BTBD7: variants seen among roughly 807,000 people sequenced by gnomAD.
BTBD7 encodes BTB/POZ domain-containing protein 7.
Under a neutral mutation model 99.9 loss-of-function variants are expected in BTBD7, and 38 were observed. The ratio of observed to expected loss-of-function variants is 0.38; its 90% CI spans 0.29 to 0.50. The LOEUF (loss-of-function observed/expected upper bound fraction) is 0.50, where lower values mean the gene tolerates loss of function less well. Ranked by LOEUF, BTBD7 falls within the 20% of genes least tolerant of loss-of-function variation. BTBD7 has a pLI of 0.93. For synonymous variants in BTBD7, 520 were observed against 511.4 expected (o/e 1.02, Z -0.23); for missense variants, 1,170 against 1,394.6 (o/e 0.84, Z 2.57).
chr14:93,271,228 T>C (rs1157249412), intron 3 of BTBD7, among the ~76,000 whole-genome samples: 1 of 152,202 alleles, frequency 6.6e-6, no homozygotes, highest in Non-Finnish European at 1.5e-5. Context: ...GGATCTTTGT[T>C]TCCCCCTTAC....
At chr14:93,331,883 C>A (rs573630071) in intron 1 of BTBD7, among the ~76,000 whole-genome samples, 12 of 146,562 alleles carry the variant, frequency 8.2e-5, no homozygotes, top group Non-Finnish European at 1.5e-4. Context: ...TCCGTCTCCC[C>A]CCCCCCAAAA....
chr14:93,251,635 C>T lies in BTBD7; in HGVS notation c.1770G>A (p.Met590Ile), dbSNP rs2052369144. 6.2e-7 allele frequency: 1 copy of T among 1,612,684 alleles called. No individual in the cohort carries two copies. Among genetic ancestry groups the T allele is most frequent in the South Asian group, 1.1e-5 (1 of 90,878 alleles). The change falls in exon 8 of 11, where the codon ATG (methionine) becomes ATA (isoleucine). Residue 590 changes from methionine to isoleucine, a missense_variant. This residue lies in a region of BTBD7 where 309 missense variants were observed against 342.0 expected (regional missense o/e 0.90). Transcript: ENST00000334746. ...VEEAKSVLDE[M>I]MVEQTDLVRL... is the part of the protein sequence containing the mutation. ...GCACAAGATCCGTTTGTTCCACCAT[C>T]ATCTCATCTAGCACTGACTGAAATA...
intron 7 of BTBD7, among the ~76,000 whole-genome samples, chr14:93,252,170 T>C (rs2052375630): frequency 6.6e-6 from 1 of 151,996 alleles, no homozygotes; most frequent in Middle Eastern, 3.4e-3. Context: ...ATTAGCCAGA[T>C]GTGGTGGCGG....
chr14:93,281,900 A>C (rs926111266), intron 3 of BTBD7, among the ~76,000 whole-genome samples: 1 of 152,182 alleles, frequency 6.6e-6, no homozygotes, highest in African/African-American at 2.4e-5. Context: ...TTTACCAGAG[A>C]GTTATTATAG....
intron 1 of BTBD7, among the ~76,000 whole-genome samples, chr14:93,319,435 T>C (rs935804051): frequency 1.6e-4 from 25 of 152,224 alleles, no homozygotes; most frequent in African/African-American, 9.6e-5. Context: ...GAATACTATT[T>C]GGCCTCAGAG....
At chr14:93,304,892 G>A (rs1411741337) in intron 1 of BTBD7, among the ~76,000 whole-genome samples, 1 of 152,214 alleles carries the variant, frequency 6.6e-6, no homozygotes, top group African/African-American at 2.4e-5. Context: ...CATGCTGGGT[G>A]AACCCTAGAG....
At chr14:93,259,395 G>A (rs543912967) in intron 5 of BTBD7, among the ~76,000 whole-genome samples, 9 of 152,220 alleles carry the variant, frequency 5.9e-5, no homozygotes, top group South Asian at 2.1e-4. Flanking sequence ...GTGAGATCAC[G>A]AAAACATAAA....
chr14:93,269,730 T>C (rs570344284), intron 3 of BTBD7, among the ~76,000 whole-genome samples: 4 of 152,360 alleles, frequency 2.6e-5, no homozygotes, highest in South Asian at 4.1e-4. Flanking sequence ...TTGTTGTTAA[T>C]TTCTGTACCT....
At chr14:93,295,681 A>G (rs888677059) in intron 2 of BTBD7, among the ~76,000 whole-genome samples, 6 of 152,256 alleles carry the variant, frequency 3.9e-5, no homozygotes, top group African/African-American at 1.4e-4. Context: ...AATGGGACAC[A>G]GGAAATATGT....
rs1305652200 is a variant in BTBD7, at chr14:93,311,123, G to A, written c.-106-14966C>T. Among the ~76,000 whole-genome samples, 3 of 152,112 alleles carry A rather than the reference G, an allele frequency of 2.0e-5. No individual in the cohort carries two copies. In the East Asian group the frequency reaches 5.8e-4, roughly 29 times the overall value. ...CCTAGCATCCTTAAAGACAATCAGT[G>A]AGTTTTAAAAAGTTATGAATTAATA... On this transcript the variant is annotated intron_variant, in intron 1 of 10. Coordinates refer to ENST00000334746, the MANE Select transcript of BTBD7 (RefSeq NM_001002860.4).
In BTBD7 at chr14:93,294,684, C is replaced by T; in HGVS notation, c.336G>A (p.Lys112=). 2 of 1,614,166 alleles carry T rather than the reference C, an allele frequency of 1.2e-6. No individual in the cohort carries two copies. The highest frequency in any genetic ancestry group is 1.7e-6 in the Non-Finnish European group (2 of 1,180,038). Residue 112 remains lysine (K), a synonymous_variant, in exon 3 of 11, where the codon AAG becomes AAA. Coordinates refer to ENST00000334746, the MANE Select transcript of BTBD7 (RefSeq NM_001002860.4). ...CCAAACTGGCTTGTAGAGAAAGCTC[C>T]TTTAATGCTGATGTTCCCTCATATT... ...VEEYEGTSAL[K]ELSLQASLAR... is the part of the protein sequence containing the mutation.
chr14:93,268,694 C>T (rs2139715736), intron 3 of BTBD7, among the ~76,000 whole-genome samples: 1 of 150,262 alleles, frequency 6.7e-6, no homozygotes, highest in East Asian at 2.0e-4. Context: ...CCTACCTAAA[C>T]ATATCCTTCC....
In BTBD7 at chr14:93,294,384, T is replaced by C. The variant is rs1320996912; in HGVS notation, c.636A>G (p.Ser212=). ...CAAGGATATCGACATTTTGAAACCT[T>C]GAGTCCTCCATTCCAAACTCTCCTG... ...LYTGEFGMED[S]RFQNVDILVQ... The change falls in exon 3 of 11, where the codon TCA becomes TCG. Residue 212 remains serine (S), a synonymous_variant. Coordinates refer to ENST00000334746, the MANE Select transcript of BTBD7 (RefSeq NM_001002860.4). 1.2e-6 allele frequency: 2 copies of C among 1,614,204 alleles called. No homozygotes were observed. Among genetic ancestry groups the C allele is most frequent in the South Asian group, 2.2e-5 (2 of 91,084 alleles).
rs1345465341 is a variant in BTBD7, at chr14:93,251,537, C to T, written c.1868G>A (p.Cys623Tyr). ...YMVNNAVPQC[C>Y]HMISHQQISS... is the part of the protein sequence containing the mutation. ...GATCTGCTGGTGGCTGATCATGTGA[C>T]AACACTGTGGCACGGCATTATTGAC... Residue 623 changes from cysteine to tyrosine, a missense_variant, in exon 8 of 11, where the codon TGT becomes TAT. Cys to Tyr is a radical substitution (Grantham distance 194). Coordinates refer to ENST00000334746, the MANE Select transcript of BTBD7 (RefSeq NM_001002860.4). The T allele has an allele frequency of 2.5e-6, 4 of 1,613,926 alleles. No homozygotes were observed. The highest frequency in any genetic ancestry group is 3.4e-6 in the Non-Finnish European group (4 of 1,179,852).
chr14:93,324,375 T>C (rs1354509412), intron 1 of BTBD7, among the ~76,000 whole-genome samples: 2 of 150,558 alleles, frequency 1.3e-5, no homozygotes, highest in Non-Finnish European at 2.9e-5. Flanking sequence ...TGAGCTGTGA[T>C]TGTATCACTG....
chr14:93,276,199 A>G (rs531258748), intron 3 of BTBD7, among the ~76,000 whole-genome samples: 1 of 152,358 alleles, frequency 6.6e-6, no homozygotes, highest in South Asian at 2.1e-4. Context: ...AGCCTGGGCA[A>G]CAGAGCGAGA....
At chr14:93,255,697 T>G (rs2052421940) in intron 6 of BTBD7, 1 of 152,198 alleles carries the variant, frequency 6.6e-6, no homozygotes, top group Non-Finnish European at 1.5e-5. Flanking sequence ...GGTTTTGCCA[T>G]GTCGGCCAGG....
intron 6 of BTBD7, chr14:93,256,007 T>A (rs1251098697): frequency 6.6e-6 from 1 of 152,252 alleles, no homozygotes; most frequent in Non-Finnish European, 1.5e-5. Context: ...TTTTTATTAC[T>A]GCTCCTTGTG....
chr14:93,288,228 GA>G (rs2052804161), intron 3 of BTBD7: 1 of 405,302 alleles, frequency 2.5e-6, no homozygotes, highest in South Asian at 6.9e-5. Flanking sequence ...TTACTCCTTA[GA>G]TACTGTCTTC....
Sources: gnomAD v4.1 joint callset for allele counts (sites outside exome capture counted in the v4.1 genomes callset) on GRCh38, gnomAD v4.1.1 for gene constraint, gnomAD v4.1.1 regional missense constraint, MANE v1.5 for transcripts, NCBI Gene and HGNC (gene_info 2026-07-23, HGNC 2026-07-21) for gene names.